Variants in TTLL8 observed in about 807,000 individuals in gnomAD.
TTLL8 encodes tubulin tyrosine ligase like 8, also known as protein monoglycylase TTLL8.
Under a neutral mutation model 77.8 loss-of-function variants are expected in TTLL8, and 65 were observed. That is an observed-to-expected ratio of 0.84 (90% confidence interval 0.68 to 1.03). TTLL8 has a LOEUF of 1.03. Ranked by LOEUF, TTLL8 falls within the 50% of genes least tolerant of loss-of-function variation. The probability of loss-of-function intolerance (pLI) is 0.00; values close to 1 mark genes in which losing one functional copy is unlikely to be tolerated. For missense variants in TTLL8, 910 were observed against 1,004.5 expected, an observed-to-expected ratio of 0.91 and a Z score of 1.27; for synonymous variants, 402 against 422.8, an observed-to-expected ratio of 0.95 and a Z score of 0.60.
At chr22:50,024,521 T>G (rs1315055211) in intron 12 of TTLL8, among the ~76,000 whole-genome samples, 1 of 152,200 alleles carries the variant, frequency 6.6e-6, no homozygotes, top group African/African-American at 2.4e-5. Context: ...AGAGAGTATA[T>G]TTTTGACAAA....
At chr22:50,057,090 G>C (rs2061474825), upstream of TTLL8, among the ~76,000 whole-genome samples, 1 of 151,648 alleles carries the variant, frequency 6.6e-6, no homozygotes, top group Non-Finnish European at 1.5e-5. Context: ...ATCAGCTCTG[G>C]GGTTGGGATC....
At position 50,049,111 on chromosome 22, in the gene TTLL8, G is replaced by A. The variant is rs949608965; in HGVS notation, c.264+138C>T. 1.3e-5 allele frequency: 17 copies of A among 1,275,750 alleles called. 1 individual carries two copies. In the South Asian group the frequency reaches 1.7e-4, roughly 13 times the overall value. 79.0% of individuals were successfully genotyped at this position (1,275,750 alleles called of 1,614,324 possible). On this transcript the variant is annotated intron_variant, in intron 3 of 13. Coordinates refer to ENST00000266182, the Ensembl canonical transcript of TTLL8. ...GCCAGGCCCTGCTGCCCGGTCAAGG[G>A]GCCCTGCTGTGACTGGGGCTTTGCC...
chr22:50,050,648 C>T (rs1021514921), intron 1 of TTLL8, among the ~76,000 whole-genome samples: 1 of 152,102 alleles, frequency 6.6e-6, no homozygotes, highest in African/African-American at 2.4e-5. Flanking sequence ...AGCCAGACAA[C>T]CTTGGCACCA....
chr22:50,025,753 C>T (rs1317895907), intron 12 of TTLL8, among the ~76,000 whole-genome samples: 3 of 152,174 alleles, frequency 2.0e-5, no homozygotes. Flanking sequence ...AGGCATTTTG[C>T]AAAGCAAAAT....
Position 50,044,697 on chromosome 22 carries a change from G to A in TTLL8, c.643+558C>T, listed in dbSNP as rs2061397232. On this transcript the variant is annotated intron_variant, in intron 6 of 13. Transcript: ENST00000266182. This position sits in a 1 kb window ranked among gnomAD's most constrained non-coding sequence, Gnocchi z 4.2. Reference sequence around the variant, plus strand: ...GGGATGTTGGCGGTGCAGGAGGCGCGGGGGCAGGAGAGTGTGGTAAATCTT... The same window carrying A: ...GGGATGTTGGCGGTGCAGGAGGCGCAGGGGCAGGAGAGTGTGGTAAATCTT... Among the ~76,000 whole-genome samples, 2 of 152,220 alleles carry A rather than the reference G, an allele frequency of 1.3e-5. No homozygotes were observed. Among genetic ancestry groups the A allele is most frequent in the African/African-American group, 2.4e-5 (1 of 41,462 alleles).
At chr22:50,029,297 A>AC (rs534440079) in intron 12 of TTLL8, among the ~76,000 whole-genome samples, 1 of 49,756 alleles carries the variant, frequency 2.0e-5, no homozygotes, top group South Asian at 1.5e-3. Flanking sequence ...CCTCGTAAAG[A>AC]CCCCATCACA....
exon 11 of TTLL8, chr22:50,031,925 C>A: frequency 2.9e-6 from 4 of 1,367,002 alleles, no homozygotes; most frequent in South Asian, 1.1e-5. Context: ...ACCTTCATGG[C>A]GTGGGCGATG....
intron 1 of TTLL8, among the ~76,000 whole-genome samples, chr22:50,053,754 C>T (rs2061456547): frequency 6.6e-6 from 1 of 152,176 alleles, no homozygotes; most frequent in Non-Finnish European, 1.5e-5. Flanking sequence ...CCAAGGGGAA[C>T]TCCTGAGGGT....
chr22:50,057,057 G>A, upstream of TTLL8: 6 of 986,990 alleles, frequency 6.1e-6, no homozygotes, highest in Non-Finnish European at 8.4e-6. Context: ...GGCCCAAGCT[G>A]AGGGTCAGGT....
At chr22:50,047,326 C>T (rs1387861331) in intron 3 of TTLL8, 30 bp from the exon 6 acceptor site, 1 of 1,365,132 alleles carries the variant, frequency 7.3e-7, no homozygotes, top group Non-Finnish European at 9.8e-7. Flanking sequence ...TATTGATGCC[C>T]AGCATTCAAG....
rs535476735 is a variant in TTLL8 at position 50,035,151 on chromosome 22, C to T, written c.922-689G>A. Reference sequence around the variant, plus strand: ...GCCATGCCAGTACCAGCAGCTGCCCCAGGGCCCGCTGGAGCCGTCCTGCGT... The same window carrying T: ...GCCATGCCAGTACCAGCAGCTGCCCTAGGGCCCGCTGGAGCCGTCCTGCGT... On this transcript the variant is annotated intron_variant, in intron 8 of 13. Transcript: ENST00000266182. Among the ~76,000 whole-genome samples, 400 of 152,328 alleles carry T rather than the reference C, an allele frequency of 2.6e-3. 1 individual carries two copies. The highest frequency in any genetic ancestry group is 3.8e-3 in the Non-Finnish European group (258 of 68,030).
chr22:50,035,290 A>G (rs9617136), intron 8 of TTLL8, among the ~76,000 whole-genome samples: 74,079 of 152,040 alleles, frequency 0.49, 18,780 homozygotes, highest in Non-Finnish European at 0.57. Flanking sequence ...CGTGACTCTC[A>G]CAGCCGGCCT....
At chr22:50,018,723 T>A (rs1440141902) in intron 12 of TTLL8, among the ~76,000 whole-genome samples, 1 of 152,210 alleles carries the variant, frequency 6.6e-6, no homozygotes, top group African/African-American at 2.4e-5. Flanking sequence ...GAAAGACGTA[T>A]TCAATGTTCG....
chr22:50,019,657 A>T (rs1017732047), intron 12 of TTLL8, among the ~76,000 whole-genome samples: 3 of 152,206 alleles, frequency 2.0e-5, no homozygotes, highest in African/African-American at 4.8e-5. Flanking sequence ...AAACCTTCAG[A>T]TGAGGCTGCC....
At chr22:50,045,635 C>T (rs551110540) in intron 5 of TTLL8, 111 of 595,102 alleles carry the variant, frequency 1.9e-4, no homozygotes, top group Non-Finnish European at 2.2e-4. Flanking sequence ...CTGCTCGCCG[C>T]GCTGTCCACA....
intron 8 of TTLL8, among the ~76,000 whole-genome samples, chr22:50,035,273 C>T (rs1027082052): frequency 7.9e-5 from 12 of 152,250 alleles, no homozygotes; most frequent in Middle Eastern, 3.4e-3. Flanking sequence ...GCTCCAAGGA[C>T]GCCAGCCGTG....
At chr22:50,055,458 A>T (rs1472762206), upstream of TTLL8, 22 of 454,664 alleles carry the variant, frequency 4.8e-5, no homozygotes, top group Non-Finnish European at 6.5e-5. Context: ...GTTCGAGACC[A>T]GCCTGGCCAA....
At chr22:50,043,053 G>T (rs1364369962) in intron 6 of TTLL8, among the ~76,000 whole-genome samples, 2 of 152,218 alleles carry the variant, frequency 1.3e-5, no homozygotes, top group African/African-American at 4.8e-5. Flanking sequence ...CGACAGAAAC[G>T]TTATTCATGA....
rs1462494140 is a variant in TTLL8, at chr22:50,035,214, C to G, written c.922-752G>C. Among the ~76,000 whole-genome samples the G allele has an allele frequency of 4.6e-5, 7 of 152,164 alleles. No individual in the cohort carries two copies. The South Asian group carries it at 1.0e-3, about 23-fold the overall frequency. ...AGCTGTGAAGACCTGGTGGGGACCCCATGACGTCCTGACAAGGTGGCTGCA... is the reference window on the plus strand; with the variant it reads ...AGCTGTGAAGACCTGGTGGGGACCCGATGACGTCCTGACAAGGTGGCTGCA... On this transcript the variant is annotated intron_variant, in intron 8 of 13. Transcript: ENST00000266182.
Sources: allele counts gnomAD v4.1 joint callset (sites outside exome capture counted in the v4.1 genomes callset), GRCh38; gene constraint gnomAD v4.1.1; non-coding constraint Gnocchi (gnomAD v3.1); transcripts MANE v1.5; gene names NCBI Gene and HGNC (gene_info 2026-07-23, HGNC 2026-07-21).